CACNA2D3: variants seen among roughly 807,000 people sequenced by gnomAD.
The protein encoded by CACNA2D3 is voltage-dependent calcium channel subunit alpha-2/delta-3.
A neutral mutation model predicts 160.6 loss-of-function variants in CACNA2D3; 60 were observed. The ratio of observed to expected loss-of-function variants is 0.37; its 90% confidence interval spans 0.30 to 0.46. The LOEUF (loss-of-function observed/expected upper bound fraction) is 0.46. Among genes scored for constraint, CACNA2D3 ranks in the 20% least tolerant of loss-of-function variants. CACNA2D3 has a pLI of 1.00. For missense variants in CACNA2D3, 1,205 were observed against 1,365.0 expected, an observed-to-expected ratio of 0.88 and a Z score of 1.85; for synonymous variants, 558 against 492.9, an observed-to-expected ratio of 1.13 and a Z score of -1.75.
chr3:54,161,767 C>A (rs759371718), intron 2 of CACNA2D3, among the ~76,000 whole-genome samples: 5 of 152,192 alleles, frequency 3.3e-5, no homozygotes, highest in Non-Finnish European at 4.4e-5. Flanking sequence ...TGTACCTTGA[C>A]AAGAGAGTCC....
In CACNA2D3 at chr3:54,501,792, T is replaced by C. The variant is rs558266788; in HGVS notation, c.382-1700T>C. The stretch of plus-strand genomic sequence containing the variant: ...ATTTTGCTTCTCTCTTAAGAACTTT[T>C]AACAATTCTTGCAAGGCAAGTCTAC... On this transcript the variant is annotated intron_variant, in intron 4 of 37. Coordinates refer to ENST00000474759, the MANE Select transcript of CACNA2D3 (RefSeq NM_018398.3). Among the ~76,000 whole-genome samples, 15 of 152,308 alleles carry C rather than the reference T, an allele frequency of 9.8e-5. No individual in the cohort carries two copies. In the East Asian group the frequency reaches 1.7e-3, roughly 18 times the overall value.
chr3:54,790,200 C>A (rs143573254), intron 13 of CACNA2D3, among the ~76,000 whole-genome samples: 3 of 152,262 alleles, frequency 2.0e-5, no homozygotes, highest in African/African-American at 4.8e-5. Flanking sequence ...CCCTTCTGTG[C>A]TTTTTATCAC....
At chr3:55,022,543 TTTC>T (rs1278806434) in intron 35 of CACNA2D3, among the ~76,000 whole-genome samples, 2 of 144,884 alleles carry the variant, frequency 1.4e-5, no homozygotes, top group East Asian at 2.0e-4. Context: ...TCCTTCTTTC[TTTC>T]TTTCCTTCCT....
chr3:54,456,425 C>T (rs992451359), intron 4 of CACNA2D3, among the ~76,000 whole-genome samples: 6 of 151,930 alleles, frequency 3.9e-5, no homozygotes, highest in Non-Finnish European at 8.8e-5. Context: ...TATCCTGCAA[C>T]TTTACCGAAA....
chr3:54,453,753 C>T (rs1265987081), intron 4 of CACNA2D3, among the ~76,000 whole-genome samples: 1 of 152,186 alleles, frequency 6.6e-6, no homozygotes, highest in African/African-American at 2.4e-5. Context: ...ACCAGTTCCT[C>T]AACTGCTTAT....
At chr3:54,752,765 A>G (rs937445900) in intron 12 of CACNA2D3, 88 bp downstream of exon 12, 1 of 928,090 alleles carries the variant, frequency 1.1e-6, no homozygotes, top group South Asian at 1.4e-5. Context: ...GAGAGTTCTA[A>G]TAATTCTAAG....
chr3:55,045,646 T>G (rs1272518928), intron 35 of CACNA2D3, among the ~76,000 whole-genome samples: 1 of 152,216 alleles, frequency 6.6e-6, no homozygotes, highest in East Asian at 1.9e-4. Flanking sequence ...AGGAATTTCT[T>G]TAGTTCATCT....
chr3:55,016,769 A>C (rs358029), intron 34 of CACNA2D3, among the ~76,000 whole-genome samples: 57,621 of 152,148 alleles, frequency 0.38, 11,437 homozygotes, highest in East Asian at 0.73. Context: ...TAAATAACAA[A>C]GATTACAATG....
intron 27 of CACNA2D3, among the ~76,000 whole-genome samples, chr3:54,946,584 T>C (rs1701620242): frequency 6.6e-6 from 1 of 152,146 alleles, no homozygotes; most frequent in Admixed American, 6.5e-5. Flanking sequence ...GAAGAGCAGG[T>C]TACTTTCACC....
At chr3:54,363,149 T>C (rs1232458928) in intron 3 of CACNA2D3, among the ~76,000 whole-genome samples, 2 of 152,012 alleles carry the variant, frequency 1.3e-5, no homozygotes, top group African/African-American at 4.8e-5. Context: ...GAGCCGAGAT[T>C]GCGCCACTGC....
chr3:54,638,245 A>C (rs1699423070), intron 10 of CACNA2D3: 2 of 152,096 alleles, frequency 1.3e-5, no homozygotes, highest in Admixed American at 1.3e-4. Flanking sequence ...AAAGTGTCTT[A>C]GGGTTGCTGC....
chr3:54,933,457 G>A (rs950222597), intron 27 of CACNA2D3, among the ~76,000 whole-genome samples: 1 of 152,114 alleles, frequency 6.6e-6, no homozygotes, highest in Non-Finnish European at 1.5e-5. Context: ...CCATCAGTTG[G>A]AAAAGGTACT....
chr3:54,666,916 A>C (rs1700078105), intron 11 of CACNA2D3, among the ~76,000 whole-genome samples: 1 of 152,178 alleles, frequency 6.6e-6, no homozygotes, highest in Non-Finnish European at 1.5e-5. Flanking sequence ...AATCCTTTCA[A>C]GACTCTGCCC....
intron 11 of CACNA2D3, among the ~76,000 whole-genome samples, chr3:54,655,285 A>G (rs1699857523): frequency 6.6e-6 from 1 of 152,190 alleles, no homozygotes; most frequent in Non-Finnish European, 1.5e-5. Flanking sequence ...CAATTTCTCC[A>G]TCTGTAAAAT....
chr3:54,306,141 T>C (rs369939284), intron 2 of CACNA2D3, among the ~76,000 whole-genome samples: 8 of 152,188 alleles, frequency 5.3e-5, no homozygotes, highest in Non-Finnish European at 1.0e-4. Flanking sequence ...ATGGGCTTCA[T>C]TGGATACCAG....
At chr3:54,579,285 T>G (rs1702636315) in intron 8 of CACNA2D3, among the ~76,000 whole-genome samples, 1 of 152,148 alleles carries the variant, frequency 6.6e-6, no homozygotes, top group Non-Finnish European at 1.5e-5. Flanking sequence ...TGGCTGCAGC[T>G]TTTGCACAGT....
chr3:54,966,517 G>A (rs1702154354), intron 27 of CACNA2D3, among the ~76,000 whole-genome samples: 1 of 152,128 alleles, frequency 6.6e-6, no homozygotes, highest in Non-Finnish European at 1.5e-5. Flanking sequence ...AATCATCTGG[G>A]ACACTTTTAA....
chr3:54,771,761 T>C (rs1702326225), intron 13 of CACNA2D3, among the ~76,000 whole-genome samples: 1 of 152,144 alleles, frequency 6.6e-6, no homozygotes, highest in Non-Finnish European at 1.5e-5. Context: ...AATCTAATTA[T>C]ACCAGGGATA....
chr3:54,912,395 C>T lies in CACNA2D3; in HGVS notation c.2449+12527C>T, dbSNP rs1479826685. ...AAAGCACCTGCCACAACCTGTAAGT[C>T]CTACATGATTTGACCCCTATTACCC... On this transcript the variant is annotated intron_variant, in intron 27 of 37. Transcript: ENST00000474759. 2.0e-5 allele frequency among the ~76,000 whole-genome samples: 3 copies of T among 152,106 alleles called. No individual in the cohort carries two copies. The East Asian group carries it at 5.8e-4, about 29-fold the overall frequency.
Sources: allele counts gnomAD v4.1 joint callset (sites outside exome capture counted in the v4.1 genomes callset), GRCh38; gene constraint gnomAD v4.1.1; transcripts MANE v1.5; gene names NCBI Gene and HGNC (gene_info 2026-07-23, HGNC 2026-07-21).